The following RAPGEF5 variants were observed in gnomAD, a reference collection of about 807,000 sequenced individuals.
RAPGEF5 encodes the protein M-Ras-regulated GEF.
A neutral mutation model predicts 125.2 loss-of-function variants in RAPGEF5; 65 were observed. The observed-to-expected ratio is 0.52, with a 90% CI of 0.43 to 0.64. The LOEUF is 0.64. Among genes scored for constraint, RAPGEF5 ranks in the 30% least tolerant of loss-of-function variants. The pLI, the probability that RAPGEF5 is intolerant of heterozygous loss-of-function variation, is 0.00. For synonymous variants in RAPGEF5, 391 were observed against 385.9 expected, an observed-to-expected ratio of 1.01 and a Z score of -0.16; for missense variants, 958 against 1,048.1, an observed-to-expected ratio of 0.91 and a Z score of 1.19.
At chr7:22,185,902 T>C (rs988762124) in intron 11 of RAPGEF5, among the ~76,000 whole-genome samples, 1 of 152,134 alleles carries the variant, frequency 6.6e-6, no homozygotes, top group African/African-American at 2.4e-5. Flanking sequence ...TTGCCCAAGC[T>C]GGACTGCAGT....
chr7:22,170,784 TA>T (rs1159784067), intron 11 of RAPGEF5, among the ~76,000 whole-genome samples: 1 of 152,216 alleles, frequency 6.6e-6, no homozygotes, highest in Non-Finnish European at 1.5e-5. Context: ...GCCAATATCA[TA>T]TTTAAAATTC....
Position 22,308,508 on chromosome 7 carries a change from CTGTTTG to C in RAPGEF5, c.512-7_512-2del. ...TCTTGAAAGTATAGATGCTGGTCCA[CTGTTTG>C]AAACAAAAAATATATAGATCAATTT... On this transcript the variant is annotated splice_acceptor_variant and splice_polypyrimidine_tract_variant and intron_variant, in intron 4 of 25. Coordinates refer to ENST00000665637, the MANE Select transcript of RAPGEF5 (RefSeq NM_012294.5). LOFTEE classifies it high-confidence loss of function. The C allele has an allele frequency of 6.6e-7, 1 of 1,514,896 alleles. No homozygotes were observed. The allele number at this position is 1,514,896 out of a possible 1,614,324, so 93.8% of individuals were successfully genotyped here. A position where few individuals can be genotyped will look rare whatever the true frequency, so the allele number is the denominator to read the frequency against.
At chr7:22,195,376 A>G (rs1785124359) in intron 9 of RAPGEF5, among the ~76,000 whole-genome samples, 1 of 152,210 alleles carries the variant, frequency 6.6e-6, no homozygotes, top group African/African-American at 2.4e-5. Context: ...AAATGCAATA[A>G]GCTAATAATT....
Position 22,357,055 on chromosome 7 carries a change from C to T in RAPGEF5, c.6G>A (p.Arg2=). ...GCATCTTGACGGAGCCCACGGCCAT[C>T]CTCATGCCCTGACGGCGCTGCGGCG... M[R]MAVGSVKMQP... is the part of the protein sequence containing the mutation. Residue 2 remains arginine, a synonymous_variant, in exon 1 of 26, where the codon AGG becomes AGA. Coordinates refer to ENST00000665637, the MANE Select transcript of RAPGEF5 (RefSeq NM_012294.5). 9.6e-7 allele frequency: 1 copy of T among 1,039,260 alleles called. No homozygotes were observed. The highest frequency in any genetic ancestry group is 5.6e-5 in the Admixed American group (1 of 17,770). 64.4% of individuals were successfully genotyped at this position (1,039,260 alleles called of 1,614,324 possible). A position where few individuals can be genotyped will look rare whatever the true frequency, so the allele number is the denominator to read the frequency against.
chr7:22,193,589 G>T (rs1235774938), intron 10 of RAPGEF5, 134 bp from the exon 11 acceptor site: 2 of 1,551,086 alleles, frequency 1.3e-6, no homozygotes, highest in South Asian at 1.2e-5. Context: ...GGCAGCTCTC[G>T]GTCTGAGAGC....
chr7:22,351,055 C>T (rs1784320728), intron 1 of RAPGEF5, among the ~76,000 whole-genome samples: 1 of 152,214 alleles, frequency 6.6e-6, no homozygotes, highest in South Asian at 2.1e-4. Context: ...TGGGTGAATT[C>T]ACAAGGTTTT....
At chr7:22,278,383 T>C (rs1254482667) in intron 6 of RAPGEF5, among the ~76,000 whole-genome samples, 1 of 152,196 alleles carries the variant, frequency 6.6e-6, no homozygotes, top group Non-Finnish European at 1.5e-5. Flanking sequence ...ATGTGTGTAA[T>C]CTGGAAAATC....
intron 1 of RAPGEF5, among the ~76,000 whole-genome samples, chr7:22,331,464 G>A (rs1314272583): frequency 6.6e-6 from 1 of 152,074 alleles, no homozygotes. Context: ...ACAGGAGGTG[G>A]GCCAAGCACG....
chr7:22,231,688 T>C (rs1334754198), intron 7 of RAPGEF5, among the ~76,000 whole-genome samples: 5 of 152,064 alleles, frequency 3.3e-5, no homozygotes, highest in Non-Finnish European at 5.9e-5. Flanking sequence ...CCAAAATGTA[T>C]TTTACATAAC....
chr7:22,346,556 T>C (rs1370968779), intron 1 of RAPGEF5, among the ~76,000 whole-genome samples: 1 of 152,138 alleles, frequency 6.6e-6, no homozygotes, highest in African/African-American at 2.4e-5. Context: ...AAAATAAATT[T>C]GCCGTCAGCA....
chr7:22,237,996 G>C (rs905910008), intron 7 of RAPGEF5, among the ~76,000 whole-genome samples: 1 of 152,172 alleles, frequency 6.6e-6, no homozygotes, highest in African/African-American at 2.4e-5. Context: ...GAGAAAAGGG[G>C]AGAAATGCAG....
chr7:22,193,840 G>A, intron 10 of RAPGEF5, 75 bp downstream of exon 10: 1 of 1,611,772 alleles, frequency 6.2e-7, no homozygotes, highest in Admixed American at 1.7e-5. Flanking sequence ...GAGTGAGATG[G>A]AGCAAGGGAA....
In RAPGEF5 at chr7:22,121,092, T is replaced by C. The variant is rs914648770; in HGVS notation, c.*1314A>G. 4 of 152,122 alleles carry C rather than the reference T, an allele frequency of 2.6e-5. No homozygotes were observed. Among genetic ancestry groups the C allele is most frequent in the Admixed American group, 1.3e-4 (2 of 15,278 alleles). The allele number at this position is 152,122 out of a possible 1,614,324, so 9.4% of individuals were successfully genotyped here. A position where few individuals can be genotyped will look rare whatever the true frequency, so the allele number is the denominator to read the frequency against. ...GGGTGGATTTCATTATTTTGACCCA[T>C]AGGCTGTTTTGTTCATGTGAAGGTT... On this transcript the variant is annotated 3_prime_UTR_variant, in exon 26 of 26. Transcript: ENST00000665637.
At chr7:22,197,039 G>A (rs1785163521) in intron 9 of RAPGEF5, among the ~76,000 whole-genome samples, 1 of 152,158 alleles carries the variant, frequency 6.6e-6, no homozygotes, top group Admixed American at 6.5e-5. Flanking sequence ...CGTACAGAGA[G>A]AACATGAAGA....
At chr7:22,224,657 C>T (rs1479305023) in intron 8 of RAPGEF5, among the ~76,000 whole-genome samples, 1 of 152,060 alleles carries the variant, frequency 6.6e-6, no homozygotes, top group Non-Finnish European at 1.5e-5. Context: ...GAGGCCCAGA[C>T]AGTGGTGGGA....
chr7:22,353,707 C>G (rs1784371053), intron 1 of RAPGEF5, among the ~76,000 whole-genome samples: 1 of 152,162 alleles, frequency 6.6e-6, no homozygotes, highest in African/African-American at 2.4e-5. Context: ...GGCCCTCCCA[C>G]AATGTACAAC....
intron 1 of RAPGEF5, among the ~76,000 whole-genome samples, chr7:22,332,697 CA>C (rs1783945850): frequency 1.3e-5 from 2 of 152,204 alleles, no homozygotes; most frequent in African/African-American, 4.8e-5. Context: ...TCATGGGAGG[CA>C]ATTTCTTTCA....
At chr7:22,311,719 C>CT (rs984347157) in intron 3 of RAPGEF5, among the ~76,000 whole-genome samples, 20 of 152,212 alleles carry the variant, frequency 1.3e-4, no homozygotes, top group African/African-American at 4.8e-4. Context: ...ATATGGATTT[C>CT]TTTTTTTAGA....
chr7:22,131,351 T>C (rs971821711), intron 23 of RAPGEF5, among the ~76,000 whole-genome samples: 3 of 152,352 alleles, frequency 2.0e-5, no homozygotes, highest in Non-Finnish European at 4.4e-5. Flanking sequence ...TTTGCACTCA[T>C]AATGAAATGT....
Sources: gnomAD v4.1 joint callset for allele counts (sites outside exome capture counted in the v4.1 genomes callset) on GRCh38, gnomAD v4.1.1 for gene constraint, MANE v1.5 for transcripts, NCBI Gene and HGNC (gene_info 2026-07-23, HGNC 2026-07-21) for gene names.